The following ERC1 variants were observed in gnomAD, a reference collection of about 807,000 sequenced individuals.
ERC1 encodes ELKS/RAB6-interacting/CAST family member 1.
A neutral mutation model predicts 132.0 loss-of-function variants in ERC1; 56 were observed. That is an observed-to-expected ratio of 0.42 (90% CI 0.34 to 0.53). The LOEUF is 0.53. Ranked by LOEUF, ERC1 falls within the 20% of genes least tolerant of loss-of-function variation. The pLI, the probability that ERC1 is intolerant of heterozygous loss-of-function variation, is 0.03. For synonymous variants in ERC1, 478 were observed against 476.1 expected, an observed-to-expected ratio of 1.00 and a Z score of -0.05; for missense variants, 1,202 against 1,349.9, an observed-to-expected ratio of 0.89 and a Z score of 1.72.
chr12:1,274,676 A>G (rs1478462729), intron 14 of ERC1, among the ~76,000 whole-genome samples: 11 of 152,134 alleles, frequency 7.2e-5, no homozygotes, highest in Non-Finnish European at 1.6e-4. Flanking sequence ...TATTTTTAGT[A>G]GAGATGGGAT....
At chr12:1,143,743 A>G (rs1002591816) in intron 8 of ERC1, among the ~76,000 whole-genome samples, 3 of 152,028 alleles carry the variant, frequency 2.0e-5, no homozygotes, top group African/African-American at 2.4e-5. Context: ...ATATCTTTCC[A>G]TGAATTCATT....
chr12:1,132,474 T>C (rs1413179786), intron 7 of ERC1, among the ~76,000 whole-genome samples: 1 of 152,196 alleles, frequency 6.6e-6, no homozygotes, highest in East Asian at 1.9e-4. Flanking sequence ...CTTGACACTC[T>C]CTCAGTGCCG....
chr12:1,440,407 CGTG>C (rs2093090619), intron 17 of ERC1, among the ~76,000 whole-genome samples: 1 of 150,452 alleles, frequency 6.6e-6, no homozygotes, highest in Admixed American at 6.6e-5. Flanking sequence ...GGGGTTTCAC[CGTG>C]TTAGCCAGGA....
chr12:1,084,068 A>G (rs745495265), intron 3 of ERC1, among the ~76,000 whole-genome samples: 5 of 152,230 alleles, frequency 3.3e-5, no homozygotes, highest in Non-Finnish European at 7.3e-5. Flanking sequence ...CTTGCTGTAA[A>G]AGATACGTGA....
chr12:1,307,641 T>G (rs1454818150), intron 15 of ERC1, among the ~76,000 whole-genome samples: 1 of 152,206 alleles, frequency 6.6e-6, no homozygotes, highest in African/African-American at 2.4e-5. Flanking sequence ...GAGCGCCCCT[T>G]TAGTTAGTCA....
At chr12:1,325,410 A>G (rs112855516) in intron 15 of ERC1, among the ~76,000 whole-genome samples, 5,268 of 152,258 alleles carry the variant, frequency 0.035, 98 homozygotes, top group Middle Eastern at 0.075. Context: ...AATTGTGCCA[A>G]GTATCCATTG....
intron 17 of ERC1, 169 bp from the exon 18 acceptor site, chr12:1,444,393 T>G (rs61913156): frequency 3.7e-6 from 2 of 539,960 alleles, no homozygotes; most frequent in Non-Finnish European, 6.4e-6. Context: ...TGTGACAGTA[T>G]GTGAAAATGT....
chr12:1,101,679 C>T (rs1165630748), intron 3 of ERC1, among the ~76,000 whole-genome samples: 1 of 152,060 alleles, frequency 6.6e-6, no homozygotes, highest in East Asian at 1.9e-4. Context: ...TGTGGAGTTC[C>T]CACACATGCT....
At chr12:1,104,921 G>T in intron 4 of ERC1, 97 bp downstream of exon 4, 1 of 722,882 alleles carries the variant, frequency 1.4e-6, no homozygotes, top group Non-Finnish European at 2.5e-6. Flanking sequence ...GCATGTAATA[G>T]TATTTCACTT....
At chr12:1,125,420 A>G (rs1340090375) in intron 7 of ERC1, among the ~76,000 whole-genome samples, 1 of 152,208 alleles carries the variant, frequency 6.6e-6, no homozygotes, top group African/African-American at 2.4e-5. Context: ...AAATAAATAA[A>G]TTAAAAGATA....
intron 16 of ERC1, among the ~76,000 whole-genome samples, chr12:1,395,789 T>C (rs1313057155): frequency 2.0e-5 from 3 of 152,178 alleles, no homozygotes; most frequent in Middle Eastern, 3.2e-3. Context: ...AAAAAATTTT[T>C]TTTATTTGCT....
chr12:1,361,499 A>G (rs112200047), intron 15 of ERC1, among the ~76,000 whole-genome samples: 1 of 152,228 alleles, frequency 6.6e-6, no homozygotes, highest in African/African-American at 2.4e-5. Context: ...ATTTGATTAA[A>G]TGAGTTTTGG....
At chr12:1,045,855 G>C (rs1179933455) in intron 2 of ERC1, among the ~76,000 whole-genome samples, 2 of 152,092 alleles carry the variant, frequency 1.3e-5, no homozygotes, top group South Asian at 2.1e-4. Flanking sequence ...GGATCCAAAG[G>C]CTCCTGAGAA....
chr12:1,292,439 A>G (rs1369504507), intron 15 of ERC1, among the ~76,000 whole-genome samples: 1 of 152,238 alleles, frequency 6.6e-6, no homozygotes, highest in African/African-American at 2.4e-5. Flanking sequence ...TGATGTCAAC[A>G]CAGGTGAAAA....
rs189595884 is a variant in ERC1, at chr12:1,040,658, T to A, written c.669+12086T>A. Among the ~76,000 whole-genome samples the A allele has an allele frequency of 2.6e-5, 4 of 152,310 alleles. No homozygotes were observed. In the East Asian group the frequency reaches 7.7e-4, roughly 29 times the overall value. On this transcript the variant is annotated intron_variant, in intron 2 of 18. Transcript: ENST00000360905. ...TTGGAAAGTTAGTCTTTAACGTAGATCTTTTCCTTTGATTTTTCCATATAT... is the reference window on the plus strand; with the variant it reads ...TTGGAAAGTTAGTCTTTAACGTAGAACTTTTCCTTTGATTTTTCCATATAT...
intron 14 of ERC1, among the ~76,000 whole-genome samples, chr12:1,272,935 G>C (rs914680292): frequency 7.6e-6 from 1 of 131,020 alleles, no homozygotes; most frequent in Non-Finnish European, 1.6e-5. Flanking sequence ...GTGATAGAGT[G>C]AGACTCCGTC....
At chr12:1,195,499 G>T (rs180902427) in intron 12 of ERC1, among the ~76,000 whole-genome samples, 3 of 152,020 alleles carry the variant, frequency 2.0e-5, no homozygotes, top group Non-Finnish European at 2.9e-5. Context: ...GACTAGTTTC[G>T]CATTGAGCAC....
At chr12:1,236,704 T>C in intron 12 of ERC1, 65 bp from the exon 13 acceptor site, 1 of 1,494,754 alleles carries the variant, frequency 6.7e-7, no homozygotes, top group Non-Finnish European at 9.1e-7. Context: ...TGTAAGTCTC[T>C]AGATAAACAT....
intron 12 of ERC1, among the ~76,000 whole-genome samples, chr12:1,216,879 G>A (rs1437859030): frequency 6.6e-6 from 1 of 152,060 alleles, no homozygotes; most frequent in Non-Finnish European, 1.5e-5. Flanking sequence ...AAGTGGGAGT[G>A]TTGCAGAATA....
Sources: allele counts gnomAD v4.1 joint callset (sites outside exome capture counted in the v4.1 genomes callset), GRCh38; gene constraint gnomAD v4.1.1; transcripts MANE v1.5; gene names NCBI Gene and HGNC (gene_info 2026-07-23, HGNC 2026-07-21).